The following COL23A1 variants were observed in gnomAD, a reference collection of about 807,000 sequenced individuals.
COL23A1 encodes the protein collagen alpha-1(XXIII) chain.
A neutral mutation model predicts 99.3 loss-of-function variants in COL23A1; 97 were observed. The observed-to-expected ratio is 0.98, with a 90% CI of 0.83 to 1.16. The LOEUF (loss-of-function observed/expected upper bound fraction) is 1.16, where lower values mean the gene tolerates loss of function less well. Among genes scored for constraint, COL23A1 ranks in the 50% most tolerant of loss-of-function variants. The pLI, the probability that COL23A1 is intolerant of heterozygous loss-of-function variation, is 0.00. For synonymous variants in COL23A1, 320 were observed against 308.2 expected, an observed-to-expected ratio of 1.04 and a Z score of -0.40; for missense variants, 762 against 757.4, an observed-to-expected ratio of 1.01 and a Z score of -0.07.
rs144612712 is a variant in COL23A1 at position 178,468,282 on chromosome 5, G to A, written c.361+92400C>T. On this transcript the variant is annotated intron_variant, in intron 2 of 28. Coordinates refer to ENST00000390654, the MANE Select transcript of COL23A1 (RefSeq NM_173465.4). The surrounding 1 kb of genome is among the most constrained non-coding windows in gnomAD (Gnocchi z 4.2). Reference sequence around the variant, plus strand: ...AGCAGAGGGCCCCTGCAGGAAGATCGGGAAGGTCTAAATCCAAGCTCATTA... The same window carrying A: ...AGCAGAGGGCCCCTGCAGGAAGATCAGGAAGGTCTAAATCCAAGCTCATTA... Among the ~76,000 whole-genome samples the A allele has an allele frequency of 5.3e-5, 8 of 150,908 alleles. No homozygotes were observed. Among genetic ancestry groups the A allele is most frequent in the East Asian group, 2.0e-4 (1 of 5,008 alleles).
At chr5:178,577,113 C>T (rs1270400142) in intron 1 of COL23A1, among the ~76,000 whole-genome samples, 1 of 152,150 alleles carries the variant, frequency 6.6e-6, no homozygotes, top group Non-Finnish European at 1.5e-5. Context: ...GAGGCCCCGG[C>T]GCTCCTCGCT....
At chr5:178,347,287 C>T (rs974236096) in intron 2 of COL23A1, among the ~76,000 whole-genome samples, 5 of 152,230 alleles carry the variant, frequency 3.3e-5, no homozygotes, top group East Asian at 1.9e-4. Context: ...TAAATAGCCA[C>T]GAATGAACCT....
At chr5:178,512,166 G>A (rs530643601) in intron 2 of COL23A1, among the ~76,000 whole-genome samples, 2 of 152,200 alleles carry the variant, frequency 1.3e-5, no homozygotes, top group East Asian at 1.9e-4. Flanking sequence ...CAGCCTAAGC[G>A]TCCACCTGTA....
chr5:178,302,213 CCT>C lies in COL23A1; in HGVS notation c.406+4660_406+4661del, dbSNP rs1405908285. ...TGTGCTGGAGCACAGCTTCAATCCACCTCTGTGTGCGCCGGAGCACAGCGTCA... is the reference window on the plus strand; with the variant it reads ...TGTGCTGGAGCACAGCTTCAATCCACCTGTGTGCGCCGGAGCACAGCGTCA... On this transcript the variant is annotated intron_variant, in intron 3 of 28. Transcript: ENST00000390654. 7.2e-5 allele frequency among the ~76,000 whole-genome samples: 5 copies of C among 69,590 alleles called. 1 individual carries two copies. Among genetic ancestry groups the C allele is most frequent in the Non-Finnish European group, 1.4e-4 (4 of 28,218 alleles). The allele number at this position is 69,590 out of a possible 152,430, so 45.7% of individuals were successfully genotyped here.
chr5:178,565,687 C>A (rs1421746749), intron 1 of COL23A1, among the ~76,000 whole-genome samples: 1 of 152,094 alleles, frequency 6.6e-6, no homozygotes, highest in African/African-American at 2.4e-5. Flanking sequence ...TCTTATTACA[C>A]CCATTTACAG....
At chr5:178,344,931 C>A in intron 2 of COL23A1, 2 of 674,854 alleles carry the variant, frequency 3.0e-6, no homozygotes. Context: ...GGGTCTCGAT[C>A]CAGAAAAGAG....
chr5:178,501,493 A>G (rs973470846), intron 2 of COL23A1, among the ~76,000 whole-genome samples: 3 of 151,922 alleles, frequency 2.0e-5, no homozygotes, highest in Non-Finnish European at 4.4e-5. Context: ...AGGCAGAAGA[A>G]TCGCTTAGAG....
chr5:178,250,078 C>T lies in COL23A1; in HGVS notation c.1042G>A (p.Gly348Arg), dbSNP rs1351372348. The change falls in exon 18 of 29, where the codon GGA becomes AGA. Residue 348 changes from glycine (G) to arginine (R), a missense_variant. Transcript: ENST00000390654. ...CCAGAGACCTTCTCTCCATCGATTC[C>T]TGGGGCACCGGGCAATCCAAGCTCG... ...KGELGLPGAP[G>R]IDGEKGPKGQ... The T allele has an allele frequency of 6.2e-7, 1 of 1,614,156 alleles. No homozygotes were observed. Among genetic ancestry groups the T allele is most frequent in the African/African-American group, 1.3e-5 (1 of 75,038 alleles).
intron 2 of COL23A1, among the ~76,000 whole-genome samples, chr5:178,362,603 C>T (rs1231550871): frequency 2.0e-5 from 3 of 152,212 alleles, no homozygotes; most frequent in Non-Finnish European, 4.4e-5. Flanking sequence ...CTCACGGGCA[C>T]ACCCTCATTT....
At chr5:178,324,767 G>T (rs1052776697) in intron 2 of COL23A1, among the ~76,000 whole-genome samples, 3 of 152,152 alleles carry the variant, frequency 2.0e-5, no homozygotes, top group Admixed American at 6.5e-5. Context: ...GGGTCGAATG[G>T]CCAGAACCAA....
intron 2 of COL23A1, among the ~76,000 whole-genome samples, chr5:178,407,397 A>G (rs1340236044): frequency 6.6e-6 from 1 of 152,268 alleles, no homozygotes; most frequent in Non-Finnish European, 1.5e-5. Context: ...CCAGAGTCTC[A>G]TAGCACAATA....
chr5:178,246,175 A>G, intron 24 of COL23A1, 79 bp downstream of exon 24: 1 of 1,435,812 alleles, frequency 7.0e-7, no homozygotes, highest in South Asian at 1.2e-5. Flanking sequence ...AGTGAGGTAC[A>G]GGGTTGGGGT....
At chr5:178,375,970 G>C (rs965027202) in intron 2 of COL23A1, among the ~76,000 whole-genome samples, 3 of 152,224 alleles carry the variant, frequency 2.0e-5, no homozygotes, top group Non-Finnish European at 4.4e-5. Context: ...GCCTCCAAAA[G>C]TGTTGGGATT....
rs917169065 is a variant in COL23A1 at position 178,444,492 on chromosome 5, T to C, written c.361+116190A>G. Among the ~76,000 whole-genome samples the C allele has an allele frequency of 7.2e-5, 11 of 152,134 alleles. 1 individual carries two copies. Among genetic ancestry groups the C allele is most frequent in the Non-Finnish European group, 1.3e-4 (9 of 68,024 alleles). On this transcript the variant is annotated intron_variant, in intron 2 of 28. Coordinates refer to ENST00000390654, the MANE Select transcript of COL23A1 (RefSeq NM_173465.4). ...CATGAGATGGTGAGACAGTGCACTT[T>C]AGTGGCAAAACACAGGACAAGACTG...
In COL23A1 at chr5:178,246,419, G is replaced by A. The variant is rs555500698; in HGVS notation, c.1331C>T (p.Ser444Leu). Residue 444 changes from serine to leucine, a missense_variant, in exon 23 of 29, where the codon TCG (serine) becomes TTG (leucine). By Grantham distance (145) the Ser-to-Leu change is moderately radical. Coordinates refer to ENST00000390654, the MANE Select transcript of COL23A1 (RefSeq NM_173465.4). ...LDGAKGEKGA[S>L]GERGPSGLPG... ...CAGGCCGCTGGGGCCTCTCTCACCC[G>A]ACGCACCCTTCTCTCCCTTTGCTCC... is the stretch of plus-strand genomic sequence containing the variant. 1.6e-5 allele frequency: 26 copies of A among 1,579,608 alleles called. No individual in the cohort carries two copies. The highest frequency in any genetic ancestry group is 1.7e-4 in the Middle Eastern group (1 of 5,994).
chr5:178,498,252 A>ATATATATG (rs1758331236), intron 2 of COL23A1, among the ~76,000 whole-genome samples: 3 of 71,122 alleles, frequency 4.2e-5, no homozygotes, highest in African/African-American at 8.4e-5. Flanking sequence ...ATATATATAT[A>ATATATATG]TATATAAAAG....
intron 2 of COL23A1, among the ~76,000 whole-genome samples, chr5:178,418,599 C>A (rs1407682833): frequency 6.6e-6 from 1 of 152,250 alleles, no homozygotes; most frequent in East Asian, 1.9e-4. Flanking sequence ...TGCTTGGGTG[C>A]CAGGCGGCTG....
intron 2 of COL23A1, among the ~76,000 whole-genome samples, chr5:178,317,505 C>T (rs2973700): frequency 0.47 from 71,703 of 152,182 alleles, 19,154 homozygotes; most frequent in Non-Finnish European, 0.62. Flanking sequence ...CACCAATATA[C>T]GCCACTAGTC....
intron 2 of COL23A1, among the ~76,000 whole-genome samples, chr5:178,322,131 T>C (rs2127629437): frequency 6.6e-6 from 1 of 152,214 alleles, no homozygotes; most frequent in South Asian, 2.1e-4. Flanking sequence ...TAGCTGGGAC[T>C]ATAGGCACCC....
Sources: gnomAD v4.1 joint callset for allele counts (sites outside exome capture counted in the v4.1 genomes callset) on GRCh38, gnomAD v4.1.1 for gene constraint, Gnocchi (gnomAD v3.1) non-coding constraint, MANE v1.5 for transcripts, NCBI Gene and HGNC (gene_info 2026-07-23, HGNC 2026-07-21) for gene names.